Variants in PTPRD observed in about 807,000 individuals in gnomAD.
PTPRD encodes the protein receptor-type tyrosine-protein phosphatase delta.
Under a neutral mutation model 214.5 loss-of-function variants are expected in PTPRD, and 34 were observed. That is an observed-to-expected ratio of 0.16 (90% confidence interval 0.12 to 0.21). The LOEUF (loss-of-function observed/expected upper bound fraction) is 0.21, where lower values mean the gene tolerates loss of function less well. Ranked by LOEUF, PTPRD falls within the 10% of genes least tolerant of loss-of-function variation. The pLI is 1.00. For synonymous variants in PTPRD, 1,128 were observed against 845.7 expected, an observed-to-expected ratio of 1.33 and a Z score of -5.79; for missense variants, 2,545 against 2,398.7, an observed-to-expected ratio of 1.06 and a Z score of -1.27.
intron 7 of PTPRD, among the ~76,000 whole-genome samples, chr9:9,698,731 G>T (rs2154410120): frequency 6.6e-6 from 1 of 152,196 alleles, no homozygotes; most frequent in South Asian, 2.1e-4. Context: ...TTGAAAAGCT[G>T]GCTGTTCAAT....
rs190878763 is a variant in PTPRD, at chr9:10,205,564, C to A, written c.-545+135399G>T. Among the ~76,000 whole-genome samples, 20 of 151,998 alleles carry A rather than the reference C, an allele frequency of 1.3e-4. No individual in the cohort carries two copies. The East Asian group carries it at 3.7e-3, about 28-fold the overall frequency. On this transcript the variant is annotated intron_variant, in intron 3 of 45. Coordinates refer to ENST00000381196, the MANE Select transcript of PTPRD (RefSeq NM_002839.4). ...GAGATTACAGGTGTAAGCCACCACA[C>A]CAGCCTAATTTTTTATGTGTTTAGT...
At chr9:9,336,456 G>A (rs184508949) in intron 9 of PTPRD, among the ~76,000 whole-genome samples, 1 of 152,250 alleles carries the variant, frequency 6.6e-6, no homozygotes, top group East Asian at 1.9e-4. Flanking sequence ...TGTCCAACCA[G>A]GTGATGATGG....
At chr9:8,336,690 T>G (rs1398804375) in intron 43 of PTPRD, among the ~76,000 whole-genome samples, 1 of 148,896 alleles carries the variant, frequency 6.7e-6, no homozygotes, top group Non-Finnish European at 1.5e-5. Flanking sequence ...GGGAGGAAAT[T>G]TTTGCTATCT....
At chr9:9,122,372 T>A (rs569023855) in intron 10 of PTPRD, among the ~76,000 whole-genome samples, 1 of 152,184 alleles carries the variant, frequency 6.6e-6, no homozygotes, top group African/African-American at 2.4e-5. Context: ...ATCAAAGATA[T>A]ATAATATTTC....
intron 3 of PTPRD, among the ~76,000 whole-genome samples, chr9:10,199,903 G>GCGCGCA (rs1554837908): frequency 4.0e-5 from 6 of 149,336 alleles, no homozygotes; most frequent in African/African-American, 1.5e-4. Flanking sequence ...GCACTCGCGC[G>GCGCGCA]CACACACGCA....
chr9:8,329,593 C>G (rs527414257), intron 44 of PTPRD, among the ~76,000 whole-genome samples: 1 of 152,110 alleles, frequency 6.6e-6, no homozygotes, highest in Non-Finnish European at 1.5e-5. Context: ...GGGATGTTTA[C>G]GTCTGCTGAA....
chr9:9,595,295 T>C (rs12337463), intron 7 of PTPRD, among the ~76,000 whole-genome samples: 44 of 39,740 alleles, frequency 1.1e-3, no homozygotes, highest in Admixed American at 7.4e-3. Flanking sequence ...ATATTATATA[T>C]ATATATATAT....
intron 11 of PTPRD, among the ~76,000 whole-genome samples, chr9:8,908,455 C>T (rs2098723588): frequency 6.6e-6 from 1 of 151,664 alleles, no homozygotes; most frequent in Non-Finnish European, 1.5e-5. Context: ...GGGAGATACC[C>T]AAATATACAG....
intron 11 of PTPRD, among the ~76,000 whole-genome samples, chr9:8,986,745 C>T (rs552395632): frequency 6.6e-6 from 1 of 152,016 alleles, no homozygotes; most frequent in African/African-American, 2.4e-5. Context: ...GTGCCAGATA[C>T]AAATGTGTAA....
chr9:10,535,177 T>A (rs1165045808), intron 2 of PTPRD, among the ~76,000 whole-genome samples: 1 of 152,086 alleles, frequency 6.6e-6, no homozygotes, highest in Non-Finnish European at 1.5e-5. Context: ...CAAGGGACCA[T>A]TTATCACAAA....
chr9:9,340,772 G>C (rs192212746), intron 9 of PTPRD, among the ~76,000 whole-genome samples: 2 of 152,158 alleles, frequency 1.3e-5, no homozygotes, highest in African/African-American at 4.8e-5. Flanking sequence ...GTAGCTATGC[G>C]AAGTAACAAG....
rs568562714 is a variant in PTPRD at position 10,475,404 on chromosome 9, T to C, written c.-599-134387A>G. ...AATGTAGAAGAAATGGATAAATTCCTGGACACATAAACCCTCCCAAGACTA... is the reference window on the plus strand; with the variant it reads ...AATGTAGAAGAAATGGATAAATTCCCGGACACATAAACCCTCCCAAGACTA... On this transcript the variant is annotated intron_variant, in intron 2 of 45. Transcript: ENST00000381196. Among the ~76,000 whole-genome samples, 21 of 152,210 alleles carry C rather than the reference T, an allele frequency of 1.4e-4. No individual in the cohort carries two copies. In the East Asian group the frequency reaches 2.3e-3, roughly 17 times the overall value.
At chr9:9,076,143 G>C (rs181470575) in intron 10 of PTPRD, among the ~76,000 whole-genome samples, 39 of 152,240 alleles carry the variant, frequency 2.6e-4, no homozygotes, top group Admixed American at 1.5e-3. Context: ...GTCTTGATTT[G>C]AATTTCTCTG....
chr9:8,364,831 T>C (rs2079398205), intron 39 of PTPRD, among the ~76,000 whole-genome samples: 1 of 152,192 alleles, frequency 6.6e-6, no homozygotes. Context: ...TTCCCATTAT[T>C]CATGGGCTTG....
intron 10 of PTPRD, among the ~76,000 whole-genome samples, chr9:9,145,082 A>C (rs569740680): frequency 6.6e-6 from 1 of 152,318 alleles, no homozygotes; most frequent in South Asian, 2.1e-4. Context: ...TAAATTCTAG[A>C]ACATACACTA....
chr9:10,383,504 T>A (rs1443984911), intron 2 of PTPRD, among the ~76,000 whole-genome samples: 1 of 151,866 alleles, frequency 6.6e-6, no homozygotes, highest in Non-Finnish European at 1.5e-5. Flanking sequence ...TTACTTCAAA[T>A]GGAAAGGAGT....
In PTPRD at chr9:9,084,072, T is replaced by G. The variant is rs569041690; in HGVS notation, c.-142-65337A>C. ...TTCTGGGTATATACCCAAAGGATTA[T>G]AAATCATTCTACTATAAAGACACAT... On this transcript the variant is annotated intron_variant, in intron 10 of 45. Transcript: ENST00000381196. Among the ~76,000 whole-genome samples the G allele has an allele frequency of 2.6e-5, 4 of 152,300 alleles. No individual in the cohort carries two copies. In the South Asian group the frequency reaches 8.3e-4, roughly 32 times the overall value.
chr9:8,912,187 A>G (rs905176775), intron 11 of PTPRD, among the ~76,000 whole-genome samples: 2 of 152,210 alleles, frequency 1.3e-5, no homozygotes, highest in Admixed American at 1.3e-4. Flanking sequence ...ATATATGTCC[A>G]TGTAAAAATA....
chr9:9,192,475 G>A (rs2099935837), intron 9 of PTPRD, among the ~76,000 whole-genome samples: 1 of 152,098 alleles, frequency 6.6e-6, no homozygotes, highest in African/African-American at 2.4e-5. Flanking sequence ...TTTGAAGTCA[G>A]CCTGGTTTTA....
Sources: gnomAD v4.1 joint callset for allele counts (sites outside exome capture counted in the v4.1 genomes callset) on GRCh38, gnomAD v4.1.1 for gene constraint, MANE v1.5 for transcripts, NCBI Gene and HGNC (gene_info 2026-07-23, HGNC 2026-07-21) for gene names.